PGK1: variants seen among roughly 807,000 people sequenced by gnomAD.
PGK1 encodes the protein phosphoglycerate kinase 1.
A neutral mutation model predicts 26.9 loss-of-function variants in PGK1; 3 were observed. The ratio of observed to expected loss-of-function variants is 0.11; its 90% CI spans 0.05 to 0.29. The LOEUF is 0.29. PGK1 is among the 10% of genes least tolerant of loss of function. The pLI is 1.00. For synonymous variants in PGK1, 125 were observed against 115.3 expected (o/e 1.08, Z -0.54); for missense variants, 270 against 314.7 (o/e 0.86, Z 1.07).
At chrX:78,122,267 A>C (rs781952999) in intron 6 of PGK1, among the ~76,000 whole-genome samples, 5 of 111,264 alleles carry the variant, frequency 4.5e-5, no homozygotes, top group Non-Finnish European at 9.4e-5. Context: ...CTTTAGGAAT[A>C]TATATTTTTG....
intron 1 of PGK1, among the ~76,000 whole-genome samples, chrX:78,105,051 G>C (rs1473287967): frequency 1.8e-5 from 2 of 112,377 alleles, no homozygotes; most frequent in Non-Finnish European, 3.8e-5. Flanking sequence ...TTTGCATCAG[G>C]ATTGTGACAT....
At position 78,125,862 on chromosome X, in the gene PGK1, C is replaced by T; in HGVS notation, c.*32C>T. The T allele has an allele frequency of 5.4e-6, 6 of 1,114,315 alleles. No homozygotes were observed. Among genetic ancestry groups the T allele is most frequent in the Non-Finnish European group, 7.4e-6 (6 of 806,880 alleles). 91.8% of individuals were successfully genotyped at this position (1,114,315 alleles called of 1,213,427 possible). On this transcript the variant is annotated 3_prime_UTR_variant, in exon 11 of 11. Transcript: ENST00000373316. Reference sequence around the variant, plus strand: ...CCTGCCTTTTAGTTCCTGTGCACAGCCCCTAAGTCAACTTAGCATTTTCTG... The same window carrying T: ...CCTGCCTTTTAGTTCCTGTGCACAGTCCCTAAGTCAACTTAGCATTTTCTG...
Position 78,127,557 on chromosome X carries a change from A to T in PGK1, c.*1727A>T, listed in dbSNP as rs2078388695. 1 of 111,913 alleles carries T rather than the reference A, an allele frequency of 8.9e-6. No homozygotes were observed. The highest frequency in any genetic ancestry group is 3.3e-5 in the African/African-American group (1 of 30,760). 9.2% of individuals were successfully genotyped at this position (111,913 alleles called of 1,213,427 possible). A position where few individuals can be genotyped will look rare whatever the true frequency, so the allele number is the denominator to read the frequency against. ...AGCTAGTAAGTAACAGCAGGGATTC[A>T]AGTCCAGGTTTGTCTGGTTCCAGTG... is the stretch of plus-strand genomic sequence containing the variant. On this transcript the variant is annotated 3_prime_UTR_variant, in exon 11 of 11. Coordinates refer to ENST00000373316, the MANE Select transcript of PGK1 (RefSeq NM_000291.4).
At chrX:78,119,794 G>A (rs1218398920) in intron 6 of PGK1, among the ~76,000 whole-genome samples, 6 of 111,823 alleles carry the variant, frequency 5.4e-5, no homozygotes, top group Admixed American at 9.5e-5. Context: ...CCAGCCATGC[G>A]GAACTGTGAG....
At chrX:78,111,864 T>G (rs2078303150) in intron 2 of PGK1, among the ~76,000 whole-genome samples, 1 of 112,352 alleles carries the variant, frequency 8.9e-6, no homozygotes, top group Middle Eastern at 4.6e-3. Flanking sequence ...TCCATGGAGT[T>G]GATTAACAAA....
chrX:78,106,195 T>C (rs2078271864), intron 1 of PGK1, among the ~76,000 whole-genome samples: 1 of 111,764 alleles, frequency 8.9e-6, no homozygotes, highest in Non-Finnish European at 1.9e-5. Context: ...CTTGAAATGA[T>C]TGGCTAGTCC....
rs185828559 is a variant in PGK1 at position 78,115,547 on chromosome X, C to T, written c.417+1387C>T. Among the ~76,000 whole-genome samples, 63 of 111,028 alleles carry T rather than the reference C, an allele frequency of 5.7e-4. 1 individual carries two copies. In the East Asian group the frequency reaches 0.016, roughly 29 times the overall value. The stretch of plus-strand genomic sequence containing the variant: ...CAAGTGCCTGTAATTCCAGCTACTC[C>T]GGAGGCTGAGGCAGGAGAATTGCTT... On this transcript the variant is annotated intron_variant, in intron 4 of 10. Coordinates refer to ENST00000373316, the MANE Select transcript of PGK1 (RefSeq NM_000291.4).
chrX:78,107,732 T>G (rs1247405985), intron 1 of PGK1, among the ~76,000 whole-genome samples: 1 of 111,588 alleles, frequency 9.0e-6, no homozygotes, highest in Non-Finnish European at 1.9e-5. Context: ...TACGCTGTCA[T>G]TTTTCATGGG....
chrX:78,109,215 T>C (rs1256838732), intron 1 of PGK1, among the ~76,000 whole-genome samples: 3 of 112,025 alleles, frequency 2.7e-5, no homozygotes, highest in Non-Finnish European at 5.6e-5. Context: ...CTCAGGCTTT[T>C]TGAAAGAGGC....
intron 5 of PGK1, 139 bp downstream of exon 5, chrX:78,117,554 G>A: frequency 2.0e-6 from 1 of 508,669 alleles, no homozygotes; most frequent in Non-Finnish European, 3.5e-6. Flanking sequence ...TGCCACTATG[G>A]CTCTTGTTGA....
In PGK1 at chrX:78,116,292, T is replaced by A. The variant is rs191454281; in HGVS notation, c.418-1020T>A. On this transcript the variant is annotated intron_variant, in intron 4 of 10. Coordinates refer to ENST00000373316, the MANE Select transcript of PGK1 (RefSeq NM_000291.4). ...CATAGAACTCAGGTCTCCTTACATT[T>A]GAGCATTGTTATCATTACTACATGT... 2.7e-5 allele frequency among the ~76,000 whole-genome samples: 3 copies of A among 112,241 alleles called. No homozygotes were observed. In the Admixed American group the frequency reaches 2.8e-4, roughly 11 times the overall value.
chrX:78,107,917 C>T (rs1347040941), intron 1 of PGK1, among the ~76,000 whole-genome samples: 2 of 107,412 alleles, frequency 1.9e-5, no homozygotes, highest in African/African-American at 3.4e-5. Context: ...GTAGTAATAA[C>T]TGACTTTGTG....
intron 6 of PGK1, among the ~76,000 whole-genome samples, chrX:78,118,899 A>G (rs1000937971): frequency 3.6e-5 from 4 of 111,540 alleles, no homozygotes; most frequent in African/African-American, 1.3e-4. Flanking sequence ...CCCACCCTCA[A>G]TTTGGCTGAA....
intron 2 of PGK1, among the ~76,000 whole-genome samples, chrX:78,112,389 CA>C (rs782030952): frequency 8.9e-6 from 1 of 112,359 alleles, no homozygotes; most frequent in Admixed American, 9.4e-5. Flanking sequence ...TTTTCTTGAT[CA>C]ATTTTAATTT....
In PGK1 at chrX:78,123,325, C is replaced by G. The variant is rs200543437; in HGVS notation, c.887C>G (p.Ala296Gly). ...ACTGCTGACAAGTTTGATGAGAATG[C>G]CAAGACTGGCCAAGCCACTGTGGCT... ...FVTADKFDEN[A>G]KTGQATVASG... The change falls in exon 8 of 11, where the codon GCC becomes GGC. Residue 296 changes from alanine (A) to glycine (G), a missense_variant. By Grantham distance (60) the Ala-to-Gly change is moderately conservative. Transcript: ENST00000373316. 1 of 1,208,492 alleles carries G rather than the reference C, an allele frequency of 8.3e-7. No homozygotes were observed. The highest frequency in any genetic ancestry group is 2.2e-5 in the Admixed American group (1 of 45,880).
intron 2 of PGK1, among the ~76,000 whole-genome samples, chrX:78,110,612 AAC>A (rs1381625537): frequency 2.7e-5 from 3 of 110,168 alleles, no homozygotes; most frequent in African/African-American, 9.9e-5. Context: ...ATCTCTATAA[AAC>A]ACACACAAAA....
At chrX:78,120,776 G>A (rs1557247958) in intron 6 of PGK1, among the ~76,000 whole-genome samples, 1 of 112,040 alleles carries the variant, frequency 8.9e-6, no homozygotes, top group Non-Finnish European at 1.9e-5. Flanking sequence ...GATTACAGGC[G>A]TGAGCTTGTG....
At chrX:78,108,925 G>C (rs1281903642) in intron 1 of PGK1, among the ~76,000 whole-genome samples, 2 of 111,956 alleles carry the variant, frequency 1.8e-5, no homozygotes, top group Non-Finnish European at 3.8e-5. Flanking sequence ...CTACGAGGTA[G>C]ATACTGTCAT....
chrX:78,120,052 G>A (rs781963663), intron 6 of PGK1, among the ~76,000 whole-genome samples: 8 of 106,013 alleles, frequency 7.5e-5, no homozygotes, highest in Non-Finnish European at 1.5e-4. Context: ...CTTATGGTTA[G>A]GTTTTTAGGT....
Sources: gnomAD v4.1 joint callset for allele counts (sites outside exome capture counted in the v4.1 genomes callset) on GRCh38, gnomAD v4.1.1 for gene constraint, MANE v1.5 for transcripts, NCBI Gene and HGNC (gene_info 2026-07-23, HGNC 2026-07-21) for gene names.